TIAL1: variants seen among roughly 807,000 people sequenced by gnomAD.
TIAL1 encodes the protein nucleolysin TIAR.
A neutral mutation model predicts 59.7 loss-of-function variants in TIAL1; 7 were observed. That is an observed-to-expected ratio of 0.12 (90% CI 0.07 to 0.22). The LOEUF (loss-of-function observed/expected upper bound fraction) is 0.22, where lower values mean the gene tolerates loss of function less well. Among genes scored for constraint, TIAL1 ranks in the 10% least tolerant of loss-of-function variants. TIAL1 has a pLI of 1.00. For synonymous variants in TIAL1, 149 were observed against 146.3 expected (o/e 1.02, Z -0.13); for missense variants, 225 against 462.5 (o/e 0.49, Z 4.71).
At chr10:119,595,029 T>C (rs968134798) in intron 1 of TIAL1, among the ~76,000 whole-genome samples, 1 of 152,194 alleles carries the variant, frequency 6.6e-6, no homozygotes, top group Non-Finnish European at 1.5e-5. Flanking sequence ...GGCGTTTCAT[T>C]GAAGCATTGG....
chr10:119,593,496 G>T, intron 1 of TIAL1: 1 of 985,712 alleles, frequency 1.0e-6, no homozygotes, highest in Non-Finnish European at 1.2e-6. Context: ...AGAACCATAT[G>T]TCTTAGCTTG....
chr10:119,594,903 G>A (rs1224849199), intron 1 of TIAL1, among the ~76,000 whole-genome samples: 3 of 152,152 alleles, frequency 2.0e-5, no homozygotes, highest in African/African-American at 7.2e-5. Context: ...GATTACAGGC[G>A]TGAGCCACTG....
intron 2 of TIAL1, among the ~76,000 whole-genome samples, chr10:119,587,668 A>C (rs1360298553): frequency 6.6e-6 from 1 of 152,150 alleles, no homozygotes; most frequent in East Asian, 1.9e-4. Context: ...CAAAAACACA[A>C]GGAAGAAAAG....
chr10:119,587,387 C>T (rs77293779), intron 2 of TIAL1, among the ~76,000 whole-genome samples: 249 of 152,274 alleles, frequency 1.6e-3, no homozygotes, highest in Middle Eastern at 6.8e-3. Flanking sequence ...TCAAGGTTTC[C>T]GCCTAGGCAG....
At chr10:119,594,264 G>GAGGA (rs1174654494) in intron 1 of TIAL1, among the ~76,000 whole-genome samples, 1 of 152,192 alleles carries the variant, frequency 6.6e-6, no homozygotes, top group African/African-American at 2.4e-5. Context: ...AGAGAAGGTA[G>GAGGA]AGGAAGGAAA....
At chr10:119,595,281 G>C (rs1589890987) in intron 1 of TIAL1, among the ~76,000 whole-genome samples, 1 of 152,100 alleles carries the variant, frequency 6.6e-6, no homozygotes, top group Admixed American at 6.6e-5. Context: ...TCAGAGAGCA[G>C]AGCCAAGTGG....
At position 119,596,841 on chromosome 10, in the gene TIAL1, T is replaced by A; in HGVS notation, c.-376A>T. 3.9e-6 allele frequency: 1 copy of A among 253,954 alleles called. No homozygotes were observed. The highest frequency in any genetic ancestry group is 2.3e-5 in the African/African-American group (1 of 44,018). 15.7% of individuals were successfully genotyped at this position (253,954 alleles called of 1,614,324 possible). On this transcript the variant is annotated 5_prime_UTR_variant, in exon 1 of 12. Transcript: ENST00000436547. Reference sequence around the variant, plus strand: ...CGCTCACGACGGATCACGTCGTCGCTGTGGGCCTCTGGCCGGCCGAAGCCC... The same window carrying A: ...CGCTCACGACGGATCACGTCGTCGCAGTGGGCCTCTGGCCGGCCGAAGCCC...
At chr10:119,580,904 G>A in intron 5 of TIAL1, 1 of 1,005,262 alleles carries the variant, frequency 9.9e-7, no homozygotes, top group Non-Finnish European at 1.3e-6. Context: ...AAGAAAAACT[G>A]CAGGTCTCAG....
At chr10:119,594,006 T>C (rs143311768) in intron 1 of TIAL1, among the ~76,000 whole-genome samples, 1 of 151,964 alleles carries the variant, frequency 6.6e-6, no homozygotes, top group Non-Finnish European at 1.5e-5. Flanking sequence ...GTACCTCTTA[T>C]GTTCCAGGCA....
intron 6 of TIAL1, 23 bp from the exon 7 acceptor site, chr10:119,578,857 A>C: frequency 6.4e-7 from 1 of 1,573,100 alleles, no homozygotes. Context: ...AAGAAAGCAC[A>C]ATCACAAAGA....
chr10:119,584,368 TAAC>T (rs1460715395), intron 2 of TIAL1, among the ~76,000 whole-genome samples: 1 of 151,420 alleles, frequency 6.6e-6, no homozygotes, highest in Non-Finnish European at 1.5e-5. Flanking sequence ...GAATCTATGA[TAAC>T]AACATCTAAA....
rs750474480 is a variant in TIAL1, at chr10:119,578,880, A to G, written c.448-46T>C. 1.3e-5 allele frequency: 18 copies of G among 1,412,034 alleles called. No homozygotes were observed. In the East Asian group the frequency reaches 3.9e-4, roughly 31 times the overall value. The allele number at this position is 1,412,034 out of a possible 1,614,324, so 87.5% of individuals were successfully genotyped here. On this transcript the variant is annotated intron_variant, in intron 6 of 11. Transcript: ENST00000436547. ...ACAATCACAAAGAAAAGAGTGATAA[A>G]TAAGACTCTGTAAGATGAAATAAAA...
At chr10:119,590,742 GAGAGAGACAGAGAGAA>G (rs202138755) in intron 1 of TIAL1, among the ~76,000 whole-genome samples, 1 of 129,550 alleles carries the variant, frequency 7.7e-6, no homozygotes, top group African/African-American at 2.9e-5. Flanking sequence ...GAGAGAAAGA[GAGAGAGACAGAGAGAA>G]AGAGAGAAAG....
At chr10:119,577,886 T>C in intron 7 of TIAL1, 150 bp from the exon 8 acceptor site, 1 of 638,932 alleles carries the variant, frequency 1.6e-6, no homozygotes, top group East Asian at 2.8e-5. Flanking sequence ...GGTCAGGAGT[T>C]CGAGACCAGC....
chr10:119,591,870 TA>T (rs1248653730), intron 1 of TIAL1: 1 of 152,232 alleles, frequency 6.6e-6, no homozygotes, highest in Non-Finnish European at 1.5e-5. Context: ...GTATAGCTTT[TA>T]AAATACTGTA....
intron 5 of TIAL1, chr10:119,580,257 A>G (rs1845239616): frequency 4.8e-6 from 2 of 420,886 alleles, no homozygotes. Flanking sequence ...TAAATGCTCA[A>G]ATTTGAAGAT....
chr10:119,594,750 A>C (rs988152069), intron 1 of TIAL1, among the ~76,000 whole-genome samples: 1 of 152,022 alleles, frequency 6.6e-6, no homozygotes, highest in Non-Finnish European at 1.5e-5. Context: ...TCAGCCTCCC[A>C]AGTAGCAGGG....
At chr10:119,590,800 GA>G (rs1554867665) in intron 1 of TIAL1, among the ~76,000 whole-genome samples, 2 of 141,396 alleles carry the variant, frequency 1.4e-5, no homozygotes, top group South Asian at 2.6e-4. Flanking sequence ...AAGAAAGAAA[GA>G]AAGAAAGAAA....
chr10:119,594,918 C>G (rs1049341327), intron 1 of TIAL1, among the ~76,000 whole-genome samples: 4 of 152,176 alleles, frequency 2.6e-5, no homozygotes, highest in African/African-American at 7.2e-5. Context: ...CCACTGCGCC[C>G]GGCCTGAAGG....
Sources: allele counts gnomAD v4.1 joint callset (sites outside exome capture counted in the v4.1 genomes callset), GRCh38; gene constraint gnomAD v4.1.1; transcripts MANE v1.5; gene names NCBI Gene and HGNC (gene_info 2026-07-23, HGNC 2026-07-21).